Variants in TENM3 observed in about 807,000 individuals in gnomAD.
TENM3 encodes teneurin-3.
TENM3 carries 63 observed loss-of-function variants against 255.1 expected under a neutral mutation model. That is an observed-to-expected ratio of 0.25 (90% CI 0.20 to 0.30). The LOEUF is 0.30. Ranked by LOEUF, TENM3 falls within the 10% of genes least tolerant of loss-of-function variation. The pLI is 1.00. For missense variants in TENM3, 2,929 were observed against 3,461.1 expected, an observed-to-expected ratio of 0.85 and a Z score of 3.86; for synonymous variants, 1,306 against 1,322.3, an observed-to-expected ratio of 0.99 and a Z score of 0.27.
chr4:182,275,494 G>A (rs758260268), intron 1 of TENM3, among the ~76,000 whole-genome samples: 6 of 152,254 alleles, frequency 3.9e-5, no homozygotes, highest in Non-Finnish European at 8.8e-5. Context: ...AACACCTGCA[G>A]TGTGACAAGC....
the TENM3 span, among the ~76,000 whole-genome samples, chr4:182,043,613 A>G: frequency 3.9e-4 from 60 of 152,332 alleles, no homozygotes; most frequent in Admixed American, 8.5e-4. Context: ...TAGTTTTATA[A>G]TAGACTTCAA....
intron 3 of TENM3, among the ~76,000 whole-genome samples, chr4:182,369,292 A>G (rs532492171): frequency 2.0e-5 from 3 of 152,334 alleles, no homozygotes; most frequent in Middle Eastern, 6.8e-3. Flanking sequence ...TTACAGAGGA[A>G]AGAAAACTAA....
At chr4:182,467,112 CAA>C (rs1293323269) in intron 3 of TENM3, among the ~76,000 whole-genome samples, 1 of 151,894 alleles carries the variant, frequency 6.6e-6, no homozygotes, top group Non-Finnish European at 1.5e-5. Context: ...AAACTAGAAA[CAA>C]AAATTCTGGA....
the TENM3 span, among the ~76,000 whole-genome samples, chr4:181,782,534 C>A: frequency 6.6e-6 from 1 of 152,012 alleles, no homozygotes; most frequent in African/African-American, 2.4e-5. Context: ...GTCTTGCTAG[C>A]AGTCTATCAA....
chr4:182,521,880 T>C (rs1738617079), intron 3 of TENM3, among the ~76,000 whole-genome samples: 1 of 152,180 alleles, frequency 6.6e-6, no homozygotes, highest in South Asian at 2.1e-4. Context: ...TCTCTTCCCA[T>C]GTTCACAAAC....
the TENM3 span, among the ~76,000 whole-genome samples, chr4:181,554,105 T>C: frequency 1.3e-5 from 2 of 152,064 alleles, no homozygotes; most frequent in African/African-American, 4.8e-5. Flanking sequence ...AGAGGATAAG[T>C]AGAACAGTAC....
intron 12 of TENM3, among the ~76,000 whole-genome samples, chr4:182,692,425 C>G (rs533986838): frequency 6.6e-6 from 1 of 152,300 alleles, no homozygotes; most frequent in Non-Finnish European, 1.5e-5. Flanking sequence ...AGGTTTACCC[C>G]AGAATTCATT....
intron 3 of TENM3, among the ~76,000 whole-genome samples, chr4:182,584,155 T>TGG (rs1745779054): frequency 6.6e-6 from 1 of 152,312 alleles, no homozygotes; most frequent in East Asian, 1.9e-4. Context: ...TCACACACAC[T>TGG]TCATAAAACA....
chr4:181,630,014 A>C, the TENM3 span, among the ~76,000 whole-genome samples: 1 of 152,174 alleles, frequency 6.6e-6, no homozygotes, highest in Non-Finnish European at 1.5e-5. Flanking sequence ...TCAACTTCAG[A>C]GCCTGTTATT....
At chr4:181,576,778 T>C in the TENM3 span, among the ~76,000 whole-genome samples, 50 of 150,900 alleles carry the variant, frequency 3.3e-4, no homozygotes, top group African/African-American at 1.2e-3. Context: ...ACTCTTTTCC[T>C]TTCCGGATTT....
At chr4:182,483,814 C>T (rs1011405310) in intron 3 of TENM3, among the ~76,000 whole-genome samples, 1 of 152,078 alleles carries the variant, frequency 6.6e-6, no homozygotes, top group Non-Finnish European at 1.5e-5. Flanking sequence ...AGGAATGAGG[C>T]ATGTCTTACA....
the TENM3 span, among the ~76,000 whole-genome samples, chr4:181,956,812 G>A: frequency 1.3e-5 from 2 of 152,160 alleles, no homozygotes; most frequent in African/African-American, 4.8e-5. Context: ...TACTGCAGAT[G>A]TGTTATATTT....
chr4:182,316,779 T>G (rs1402325914), intron 1 of TENM3, among the ~76,000 whole-genome samples: 1 of 152,140 alleles, frequency 6.6e-6, no homozygotes, highest in Non-Finnish European at 1.5e-5. Context: ...TTTCTCCAAG[T>G]GGCTCTCTTT....
intron 1 of TENM3, among the ~76,000 whole-genome samples, chr4:182,215,947 G>T (rs572630560): frequency 1.5e-4 from 23 of 152,280 alleles, no homozygotes; most frequent in African/African-American, 5.3e-4. Context: ...TGAATGAAGG[G>T]AGAAGAGCCA....
rs187651595 is a variant in TENM3 at position 182,701,878 on chromosome 4, G to A, written c.2222-12209G>A. On this transcript the variant is annotated intron_variant, in intron 12 of 27. Coordinates refer to ENST00000511685, the MANE Select transcript of TENM3 (RefSeq NM_001080477.4). Reference sequence around the variant, plus strand: ...TACACCATTCTGCTATGAAAAGTTAGCAATATATATCCTGTCTGCTCAGTA... The same window carrying A: ...TACACCATTCTGCTATGAAAAGTTAACAATATATATCCTGTCTGCTCAGTA... Among the ~76,000 whole-genome samples, 3 of 152,262 alleles carry A rather than the reference G, an allele frequency of 2.0e-5. No individual in the cohort carries two copies. The East Asian group carries it at 5.8e-4, about 29-fold the overall frequency.
At chr4:181,766,333 C>T in the TENM3 span, among the ~76,000 whole-genome samples, 1 of 152,184 alleles carries the variant, frequency 6.6e-6, no homozygotes, top group Non-Finnish European at 1.5e-5. Context: ...TCCAGCCGGG[C>T]TCCTACCGTT....
chr4:181,654,846 T>C, the TENM3 span, among the ~76,000 whole-genome samples: 2 of 149,742 alleles, frequency 1.3e-5, no homozygotes, highest in African/African-American at 4.9e-5. Context: ...AGACTCTGAG[T>C]AGTTGGGGCT....
chr4:181,474,643 G>C, the TENM3 span, among the ~76,000 whole-genome samples: 2 of 151,512 alleles, frequency 1.3e-5, no homozygotes, highest in Admixed American at 1.3e-4. Context: ...GCTGAGGCAG[G>C]AGAATTGCTT....
chr4:181,534,156 C>T, the TENM3 span, among the ~76,000 whole-genome samples: 3 of 150,422 alleles, frequency 2.0e-5, no homozygotes, highest in Non-Finnish European at 2.9e-5. Flanking sequence ...TTTGGGAAGC[C>T]GAGGTGGGTG....
Sources: gnomAD v4.1 joint callset for allele counts (sites outside exome capture counted in the v4.1 genomes callset) on GRCh38, gnomAD v4.1.1 for gene constraint, MANE v1.5 for transcripts, NCBI Gene and HGNC (gene_info 2026-07-23, HGNC 2026-07-21) for gene names.